Variants in CACNA2D1 observed in about 807,000 individuals in gnomAD.
CACNA2D1 encodes calcium voltage-gated channel auxiliary subunit alpha2delta 1.
A neutral mutation model predicts 171.5 loss-of-function variants in CACNA2D1; 53 were observed. The ratio of observed to expected loss-of-function variants is 0.31; its 90% CI spans 0.25 to 0.39. The LOEUF (loss-of-function observed/expected upper bound fraction) is 0.39, where lower values mean the gene tolerates loss of function less well. Among genes scored for constraint, CACNA2D1 ranks in the 10% least tolerant of loss-of-function variants. The probability of loss-of-function intolerance (pLI) is 1.00; values close to 1 mark genes in which losing one functional copy is unlikely to be tolerated. For missense variants in CACNA2D1, 903 were observed against 1,299.8 expected (o/e 0.69, Z 4.69); for synonymous variants, 442 against 443.1 (o/e 1.00, Z 0.03).
intron 2 of CACNA2D1, among the ~76,000 whole-genome samples, chr7:82,338,073 CTA>C (rs1430405833): frequency 6.6e-6 from 1 of 152,062 alleles, no homozygotes; most frequent in South Asian, 2.1e-4. Flanking sequence ...TGCTAATCAG[CTA>C]TGTTAACATA....
intron 12 of CACNA2D1, chr7:82,023,706 T>C (rs1371780534): frequency 6.6e-6 from 1 of 151,724 alleles, no homozygotes; most frequent in Non-Finnish European, 1.5e-5. Context: ...CTAACACACA[T>C]TTAAATGTAC....
intron 7 of CACNA2D1, among the ~76,000 whole-genome samples, chr7:82,074,098 T>C (rs889294723): frequency 1.3e-5 from 2 of 152,200 alleles, no homozygotes; most frequent in Non-Finnish European, 2.9e-5. Context: ...ACTGGAAACG[T>C]AGATTGAGTT....
At chr7:82,212,778 G>A (rs1206711002) in intron 3 of CACNA2D1, among the ~76,000 whole-genome samples, 2 of 152,072 alleles carry the variant, frequency 1.3e-5, no homozygotes, top group African/African-American at 4.8e-5. Flanking sequence ...GAAATATGCT[G>A]GTATAATATG....
chr7:82,232,182 T>G (rs1803013699), intron 3 of CACNA2D1, among the ~76,000 whole-genome samples: 1 of 152,168 alleles, frequency 6.6e-6, no homozygotes, highest in African/African-American at 2.4e-5. Flanking sequence ...AAAATAATTT[T>G]TGCCAGTTTT....
chr7:82,214,460 T>C (rs1211371351), intron 3 of CACNA2D1, among the ~76,000 whole-genome samples: 1 of 151,960 alleles, frequency 6.6e-6, no homozygotes, highest in Non-Finnish European at 1.5e-5. Flanking sequence ...TTTTTTTTCT[T>C]TTTGGCTTGA....
intron 1 of CACNA2D1, among the ~76,000 whole-genome samples, chr7:82,429,514 G>A (rs1829493245): frequency 6.6e-6 from 1 of 152,148 alleles, no homozygotes; most frequent in Non-Finnish European, 1.5e-5. Context: ...ACCCAAAAGC[G>A]GTAGGACCAA....
intron 3 of CACNA2D1, among the ~76,000 whole-genome samples, chr7:82,186,176 G>A (rs549818178): frequency 6.1e-4 from 64 of 105,568 alleles, no homozygotes; most frequent in Non-Finnish European, 9.7e-4. Context: ...AAAAGAGAGA[G>A]AAGGAAGGAA....
At position 82,042,531 on chromosome 7, in the gene CACNA2D1, T is replaced by A. The variant is rs762033616; in HGVS notation, c.880-4296A>T. Among the ~76,000 whole-genome samples the A allele has an allele frequency of 1.1e-3, 165 of 152,146 alleles. 1 individual carries two copies. Among genetic ancestry groups the A allele is most frequent in the Non-Finnish European group, 2.1e-3 (143 of 68,012 alleles). ...AAACTAACATCACATTGATTCCTTT[T>A]CCAATCCCAGAAAATTCAACTAAGT... On this transcript the variant is annotated intron_variant, in intron 10 of 38. Coordinates refer to ENST00000356860, the MANE Select transcript of CACNA2D1 (RefSeq NM_000722.4).
In CACNA2D1 at chr7:82,318,533, ATACT is replaced by A. The variant is rs1815385105; in HGVS notation, c.294+16598_294+16601del. The stretch of plus-strand genomic sequence containing the variant: ...CAAATTCACCACACATTTTATGTAA[ATACT>A]TAATGCAAGTAAGTCTAGAGAATAA... On this transcript the variant is annotated intron_variant, in intron 3 of 38. Coordinates refer to ENST00000356860, the MANE Select transcript of CACNA2D1 (RefSeq NM_000722.4). Among the ~76,000 whole-genome samples the A allele has an allele frequency of 2.0e-5, 3 of 152,298 alleles. No homozygotes were observed. In the South Asian group the frequency reaches 6.2e-4, roughly 32 times the overall value.
At chr7:82,232,523 C>T (rs376600576) in intron 3 of CACNA2D1, among the ~76,000 whole-genome samples, 1 of 151,972 alleles carries the variant, frequency 6.6e-6, no homozygotes, top group East Asian at 1.9e-4. Context: ...TTTAATGCTG[C>T]GAAGTAAATA....
rs557507957 is a variant in CACNA2D1 at position 82,135,202 on chromosome 7, T to A, written c.396+1433A>T. Among the ~76,000 whole-genome samples, 5 of 152,186 alleles carry A rather than the reference T, an allele frequency of 3.3e-5. No homozygotes were observed. The South Asian group carries it at 1.0e-3, about 32-fold the overall frequency. ...AAGGCTTTGTCATCGCTTTACAAAT[T>A]AAATATTAAATAAATGTTGCAATTT... On this transcript the variant is annotated intron_variant, in intron 5 of 38. Transcript: ENST00000356860.
chr7:82,252,814 C>T (rs1316929084), intron 3 of CACNA2D1, among the ~76,000 whole-genome samples: 1 of 151,784 alleles, frequency 6.6e-6, no homozygotes, highest in Non-Finnish European at 1.5e-5. Flanking sequence ...TGCTTGAACC[C>T]GGGAGGCAGA....
intron 20 of CACNA2D1, among the ~76,000 whole-genome samples, chr7:81,991,733 A>G (rs1797558245): frequency 6.6e-6 from 1 of 152,194 alleles, no homozygotes; most frequent in Non-Finnish European, 1.5e-5. Flanking sequence ...GACAACATCT[A>G]ATAAACCCAC....
intron 4 of CACNA2D1, among the ~76,000 whole-genome samples, chr7:82,160,457 T>A (rs1794833637): frequency 6.6e-6 from 1 of 152,004 alleles, no homozygotes; most frequent in Non-Finnish European, 1.5e-5. Flanking sequence ...TCAGAATTTT[T>A]ATTATTATAG....
chr7:82,311,155 C>T (rs1238568383), intron 3 of CACNA2D1, among the ~76,000 whole-genome samples: 1 of 151,864 alleles, frequency 6.6e-6, no homozygotes, highest in Non-Finnish European at 1.5e-5. Context: ...TTGTTAGTTC[C>T]ATCTTTAACC....
In CACNA2D1 at chr7:81,959,154, A is replaced by ATGAGAAAAACTATGG. The variant is rs1793792666; in HGVS notation, c.3159+106_3159+120dup. 1.1e-5 allele frequency: 8 copies of ATGAGAAAAACTATGG among 739,270 alleles called. No individual in the cohort carries two copies. The South Asian group carries it at 1.2e-4, about 11-fold the overall frequency. The allele number at this position is 739,270 out of a possible 1,614,324, so 45.8% of individuals were successfully genotyped here. On this transcript the variant is annotated intron_variant, in intron 38 of 38. Coordinates refer to ENST00000356860, the MANE Select transcript of CACNA2D1 (RefSeq NM_000722.4). ...ATCTACCAGCAAGTATGTCATGTTA[A>ATGAGAAAAACTATGG]TGAGAAAAACTATGGTTAAGACATT...
At chr7:82,169,644 T>G (rs1210168143) in intron 4 of CACNA2D1, among the ~76,000 whole-genome samples, 1 of 152,016 alleles carries the variant, frequency 6.6e-6, no homozygotes, top group Admixed American at 6.6e-5. Flanking sequence ...TACCTTCAAA[T>G]TTGAGACTTT....
At chr7:82,098,346 T>G (rs1584739389) in intron 6 of CACNA2D1, among the ~76,000 whole-genome samples, 1 of 152,228 alleles carries the variant, frequency 6.6e-6, no homozygotes, top group Non-Finnish European at 1.5e-5. Flanking sequence ...ATTCCATGTA[T>G]CTATATAAAA....
intron 3 of CACNA2D1, among the ~76,000 whole-genome samples, chr7:82,226,545 G>A (rs1048531634): frequency 1.3e-5 from 2 of 152,142 alleles, no homozygotes; most frequent in Non-Finnish European, 2.9e-5. Flanking sequence ...ACTCTTCAGA[G>A]GGATCGATTA....
Sources: gnomAD v4.1 joint callset for allele counts (sites outside exome capture counted in the v4.1 genomes callset) on GRCh38, gnomAD v4.1.1 for gene constraint, MANE v1.5 for transcripts, NCBI Gene and HGNC (gene_info 2026-07-23, HGNC 2026-07-21) for gene names.